The following CHKA variants were observed in gnomAD, a reference collection of about 807,000 sequenced individuals.
CHKA encodes the protein choline kinase alpha.
Under a neutral mutation model 60.1 loss-of-function variants are expected in CHKA, and 34 were observed. That is an observed-to-expected ratio of 0.57 (90% CI 0.43 to 0.75). CHKA has a LOEUF of 0.75. CHKA is among the 30% of genes least tolerant of loss of function. The pLI, the probability that CHKA is intolerant of heterozygous loss-of-function variation, is 0.00. For synonymous variants in CHKA, 217 were observed against 223.1 expected, an observed-to-expected ratio of 0.97 and a Z score of 0.24; for missense variants, 563 against 561.3, an observed-to-expected ratio of 1.00 and a Z score of -0.03.
chr11:68,095,729 AAAAAAC>A (rs1857489365), intron 2 of CHKA, among the ~76,000 whole-genome samples: 1 of 145,008 alleles, frequency 6.9e-6, no homozygotes, highest in African/African-American at 2.6e-5. Context: ...AAAAAAAAAA[AAAAAAC>A]AACAGGTATC....
chr11:68,057,638 C>A (rs542731246), intron 11 of CHKA, among the ~76,000 whole-genome samples: 27 of 152,122 alleles, frequency 1.8e-4, no homozygotes, highest in Non-Finnish European at 3.2e-4. Context: ...AAGCTTTTCT[C>A]TTGTGTTTTC....
intron 1 of CHKA, among the ~76,000 whole-genome samples, chr11:68,114,067 C>G (rs532888317): frequency 2.6e-5 from 4 of 152,084 alleles, no homozygotes; most frequent in Non-Finnish European, 2.9e-5. Context: ...AGAATGCTGA[C>G]ACCACCAAAT....
chr11:68,071,426 G>GT (rs1471837892), intron 4 of CHKA, among the ~76,000 whole-genome samples: 1 of 152,238 alleles, frequency 6.6e-6, no homozygotes, highest in East Asian at 1.9e-4. Flanking sequence ...CAAAGAAACA[G>GT]TGTCTAGAGG....
chr11:68,056,937 G>A (rs1404694121), intron 11 of CHKA, among the ~76,000 whole-genome samples: 1 of 152,200 alleles, frequency 6.6e-6, no homozygotes, highest in African/African-American at 2.4e-5. Flanking sequence ...GGGAACGTGG[G>A]AACTCCAATA....
intron 1 of CHKA, among the ~76,000 whole-genome samples, chr11:68,113,525 C>T (rs1858260230): frequency 6.6e-6 from 1 of 151,192 alleles, no homozygotes; most frequent in South Asian, 2.1e-4. Flanking sequence ...GTGAAACCCA[C>T]CTCTACTAAA....
rs1555011689 is a variant in CHKA at position 68,095,726 on chromosome 11, A to AAAC, written c.462+1292_462+1293insGTT. Reference sequence around the variant, plus strand: ...TCCGTCGCAAAAAAAAAAAAAAAAAAAAAAAAAACAACAGGTATCAAAATC... The same window carrying AAAC: ...TCCGTCGCAAAAAAAAAAAAAAAAAAAACAAAAAAAACAACAGGTATCAAAATC... On this transcript the variant is annotated intron_variant, in intron 2 of 11. Transcript: ENST00000265689. Among the ~76,000 whole-genome samples, 12 of 142,342 alleles carry AAAC rather than the reference A, an allele frequency of 8.4e-5. 3 individuals carry two copies. In the East Asian group the frequency reaches 2.5e-3, roughly 29 times the overall value. 93.4% of individuals were successfully genotyped at this position (142,342 alleles called of 152,430 possible). A position where few individuals can be genotyped will look rare whatever the true frequency, so the allele number is the denominator to read the frequency against.
rs543359126 is a variant in CHKA, at chr11:68,113,987, G to C, written c.350+6841C>G. Among the ~76,000 whole-genome samples the C allele has an allele frequency of 2.6e-5, 4 of 151,788 alleles. No individual in the cohort carries two copies. The East Asian group carries it at 7.7e-4, about 29-fold the overall frequency. On this transcript the variant is annotated intron_variant, in intron 1 of 11. Transcript: ENST00000265689. Reference sequence around the variant, plus strand: ...GCCTGGGCAACAAGAGTGAAACTCTGTCTCAAAAAAAAAAGGAAAGAAAAA... The same window carrying C: ...GCCTGGGCAACAAGAGTGAAACTCTCTCTCAAAAAAAAAAGGAAAGAAAAA...
chr11:68,104,524 G>A (rs984477387), intron 1 of CHKA, among the ~76,000 whole-genome samples: 5 of 151,950 alleles, frequency 3.3e-5, no homozygotes, highest in Admixed American at 1.3e-4. Context: ...AGGTTTAAGC[G>A]GTTCTCATGC....
chr11:68,080,542 T>C (rs547885424), intron 3 of CHKA, among the ~76,000 whole-genome samples: 8 of 152,200 alleles, frequency 5.3e-5, no homozygotes, highest in Non-Finnish European at 1.0e-4. Context: ...GAGACGGGGT[T>C]TCACCTTGTT....
At chr11:68,056,586 G>A (rs781236279) in intron 11 of CHKA, among the ~76,000 whole-genome samples, 2 of 152,190 alleles carry the variant, frequency 1.3e-5, no homozygotes, top group Non-Finnish European at 2.9e-5. Flanking sequence ...AGTTTCTAGA[G>A]AACTGAATGT....
intron 5 of CHKA, 50 bp downstream of exon 5, chr11:68,070,674 G>GGAGCCACCACTGTAAAACTAT: frequency 4.4e-6 from 7 of 1,582,046 alleles, no homozygotes; most frequent in Non-Finnish European, 5.2e-6. Flanking sequence ...GGTACTTCTG[G>GGAGCCACCACTGTAAAACTAT]GAGCCACCAC....
chr11:68,062,161 C>A (rs747228424), intron 10 of CHKA, 127 bp from the exon 11 acceptor site: 27 of 673,114 alleles, frequency 4.0e-5, no homozygotes, highest in Non-Finnish European at 6.6e-5. Context: ...GTTGGCAAAT[C>A]ATGGGTCTAT....
intron 11 of CHKA, among the ~76,000 whole-genome samples, chr11:68,056,698 A>C (rs927337084): frequency 6.6e-6 from 1 of 152,054 alleles, no homozygotes; most frequent in African/African-American, 2.4e-5. Context: ...CCACCTATTT[A>C]TCTCTTCACC....
intron 7 of CHKA, 86 bp downstream of exon 7, chr11:68,068,793 C>T (rs1436840460): frequency 5.8e-6 from 5 of 855,386 alleles, no homozygotes; most frequent in South Asian, 1.4e-5. Context: ...ACTCTTGATG[C>T]TACCTTACAT....
intron 2 of CHKA, among the ~76,000 whole-genome samples, chr11:68,089,240 A>G (rs1206404892): frequency 6.6e-6 from 1 of 151,952 alleles, no homozygotes; most frequent in Non-Finnish European, 1.5e-5. Flanking sequence ...CTGACCCAAC[A>G]CTCCTCAGAC....
chr11:68,081,003 A>C (rs753004282), intron 3 of CHKA, among the ~76,000 whole-genome samples: 20 of 152,244 alleles, frequency 1.3e-4, no homozygotes, highest in Non-Finnish European at 2.8e-4. Context: ...GGTGGCCACC[A>C]AAACCACTGG....
intron 1 of CHKA, among the ~76,000 whole-genome samples, chr11:68,118,884 T>C (rs1858495529): frequency 6.6e-6 from 1 of 152,138 alleles, no homozygotes; most frequent in Non-Finnish European, 1.5e-5. Flanking sequence ...GCCATGAAAA[T>C]ATCTTAAGGC....
chr11:68,077,422 A>G lies in CHKA; in HGVS notation c.517-2592T>C, dbSNP rs1856829380. 3.9e-5 allele frequency among the ~76,000 whole-genome samples: 6 copies of G among 152,308 alleles called. No individual in the cohort carries two copies. In the South Asian group the frequency reaches 1.2e-3, roughly 32 times the overall value. On this transcript the variant is annotated intron_variant, in intron 3 of 11. Transcript: ENST00000265689. The stretch of plus-strand genomic sequence containing the variant: ...ATGGTAAAAAGGGGGCTGGACAGAC[A>G]TGGCTGGGTTCTCTCCTGTACCACG...
intron 1 of CHKA, among the ~76,000 whole-genome samples, chr11:68,115,774 A>C (rs1858360659): frequency 6.6e-6 from 1 of 152,248 alleles, no homozygotes; most frequent in East Asian, 1.9e-4. Flanking sequence ...CCAAGGAACA[A>C]AACTTTCCAG....
Sources: gnomAD v4.1 joint callset for allele counts (sites outside exome capture counted in the v4.1 genomes callset) on GRCh38, gnomAD v4.1.1 for gene constraint, MANE v1.5 for transcripts, NCBI Gene and HGNC (gene_info 2026-07-23, HGNC 2026-07-21) for gene names.